ILRUN: variants seen among roughly 807,000 people sequenced by gnomAD.
ILRUN encodes the protein protein ILRUN.
ILRUN carries 3 observed loss-of-function variants against 33.8 expected under a neutral mutation model. The ratio of observed to expected loss-of-function variants is 0.09; its 90% confidence interval spans 0.04 to 0.23. The LOEUF is 0.23. Among genes scored for constraint, ILRUN ranks in the 10% least tolerant of loss-of-function variants. The pLI is 1.00. For missense variants in ILRUN, 210 were observed against 375.1 expected (o/e 0.56, Z 3.64); for synonymous variants, 124 against 138.9 (o/e 0.89, Z 0.75).
chr6:34,629,545 G>A (rs1403324639), intron 3 of ILRUN, among the ~76,000 whole-genome samples: 1 of 152,160 alleles, frequency 6.6e-6, no homozygotes, highest in African/African-American at 2.4e-5. Context: ...TCCTACTGTT[G>A]CTCCTCCATA....
At chr6:34,672,541 C>G (rs1763139053) in intron 1 of ILRUN, among the ~76,000 whole-genome samples, 2 of 152,024 alleles carry the variant, frequency 1.3e-5, no homozygotes. Context: ...AAGAGAAAAC[C>G]TGTCTCTTTA....
At position 34,696,653 on chromosome 6, in the gene ILRUN, C is replaced by T. The variant is rs534349264; in HGVS notation, c.-50G>A. 2.3e-5 allele frequency: 36 copies of T among 1,568,202 alleles called. No homozygotes were observed. The highest frequency in any genetic ancestry group is 1.7e-5 in the Non-Finnish European group (20 of 1,161,792). Reference sequence around the variant, plus strand: ...CCGCCTCTTCACAACCAAGCCGCCGCCGCGCCGCCGGGCCCGGGGACCTGG... The same window carrying T: ...CCGCCTCTTCACAACCAAGCCGCCGTCGCGCCGCCGGGCCCGGGGACCTGG... On this transcript the variant is annotated 5_prime_UTR_variant, in exon 1 of 5. Coordinates refer to ENST00000374023, the MANE Select transcript of ILRUN (RefSeq NM_024294.4).
chr6:34,665,996 C>G (rs1006011607), intron 1 of ILRUN, among the ~76,000 whole-genome samples: 1 of 151,486 alleles, frequency 6.6e-6, no homozygotes, highest in Non-Finnish European at 1.5e-5. Flanking sequence ...CATACTTCAC[C>G]CAGAAAAATG....
chr6:34,652,177 A>C (rs1762684105), intron 2 of ILRUN, among the ~76,000 whole-genome samples: 1 of 152,182 alleles, frequency 6.6e-6, no homozygotes, highest in African/African-American at 2.4e-5. Flanking sequence ...AAAATGAAGA[A>C]ACTGTCTTGA....
chr6:34,589,733 A>G lies in ILRUN; in HGVS notation c.*832T>C, dbSNP rs1582024824. ...GGCATTTCTCTCTGCCAAGAGAAAC[A>G]TGGAAGAAAAGCAATTTTAATTGTT... is the stretch of plus-strand genomic sequence containing the variant. On this transcript the variant is annotated 3_prime_UTR_variant, in exon 5 of 5. Coordinates refer to ENST00000374023, the MANE Select transcript of ILRUN (RefSeq NM_024294.4). 1 of 152,248 alleles carries G rather than the reference A, an allele frequency of 6.6e-6. No homozygotes were observed. Among genetic ancestry groups the G allele is most frequent in the Non-Finnish European group, 1.5e-5 (1 of 68,050 alleles). The allele number at this position is 152,248 out of a possible 1,614,324, so 9.4% of individuals were successfully genotyped here.
At chr6:34,590,628 TG>T in intron 4 of ILRUN, 28 bp from the exon 5 acceptor site, 1 of 1,508,516 alleles carries the variant, frequency 6.6e-7, no homozygotes, top group South Asian at 1.1e-5. Flanking sequence ...TAGTCAGTGA[TG>T]GTACACATAG....
intron 3 of ILRUN, among the ~76,000 whole-genome samples, chr6:34,615,841 ATCAGT>A (rs1459309506): frequency 6.6e-6 from 1 of 152,154 alleles, no homozygotes; most frequent in African/African-American, 2.4e-5. Context: ...AGCATTACAG[ATCAGT>A]TAACAGTCTT....
intron 1 of ILRUN, among the ~76,000 whole-genome samples, chr6:34,679,147 G>A (rs1763304060): frequency 2.5e-5 from 3 of 117,916 alleles, no homozygotes; most frequent in African/African-American, 8.8e-5. Context: ...AAAATTGGGA[G>A]GAAAAAAAAA....
chr6:34,681,380 G>A (rs1763355045), intron 1 of ILRUN, among the ~76,000 whole-genome samples: 1 of 152,146 alleles, frequency 6.6e-6, no homozygotes, highest in Non-Finnish European at 1.5e-5. Flanking sequence ...ATTAACTTTG[G>A]CAAATGAGAA....
intron 3 of ILRUN, among the ~76,000 whole-genome samples, chr6:34,641,499 G>A (rs985001743): frequency 8.5e-5 from 13 of 152,110 alleles, no homozygotes; most frequent in African/African-American, 2.9e-4. Context: ...GAGCTCCAGC[G>A]GTCATCCCAG....
At position 34,682,940 on chromosome 6, in the gene ILRUN, G is replaced by A. The variant is rs116572060; in HGVS notation, c.158+13506C>T. On this transcript the variant is annotated intron_variant, in intron 1 of 4. Coordinates refer to ENST00000374023, the MANE Select transcript of ILRUN (RefSeq NM_024294.4). Reference sequence around the variant, plus strand: ...AAGTTAAAAAAAAAATCCAGTCAGAGCAACACAGGGAGACCCCATCTCTAA... The same window carrying A: ...AAGTTAAAAAAAAAATCCAGTCAGAACAACACAGGGAGACCCCATCTCTAA... Among the ~76,000 whole-genome samples, 14 of 127,406 alleles carry A rather than the reference G, an allele frequency of 1.1e-4. No homozygotes were observed. The South Asian group carries it at 1.9e-3, about 18-fold the overall frequency. The allele number at this position is 127,406 out of a possible 152,430, so 83.6% of individuals were successfully genotyped here.
chr6:34,610,184 G>T (rs1761719462), intron 3 of ILRUN, among the ~76,000 whole-genome samples: 1 of 150,980 alleles, frequency 6.6e-6, no homozygotes, highest in African/African-American at 2.4e-5. Context: ...AAAAGAAAAA[G>T]AAAAAAAAGA....
intron 1 of ILRUN, among the ~76,000 whole-genome samples, chr6:34,659,563 T>C (rs73411997): frequency 0.012 from 1,812 of 151,100 alleles, 44 homozygotes; most frequent in African/African-American, 0.039. Flanking sequence ...ATCTTGCATA[T>C]ATTCACAAAC....
At chr6:34,683,452 A>G (rs1763428982) in intron 1 of ILRUN, among the ~76,000 whole-genome samples, 3 of 103,792 alleles carry the variant, frequency 2.9e-5, no homozygotes, top group African/African-American at 1.8e-4. Context: ...ATATATATAT[A>G]CATATATATA....
At chr6:34,671,679 G>A (rs1208981343) in intron 1 of ILRUN, among the ~76,000 whole-genome samples, 1 of 152,198 alleles carries the variant, frequency 6.6e-6, no homozygotes, top group Non-Finnish European at 1.5e-5. Flanking sequence ...AAAGACTGAA[G>A]GCTGAATGCA....
At position 34,646,986 on chromosome 6, in the gene ILRUN, TG is replaced by T. The variant is rs1762574152; in HGVS notation, c.314-189del. Among the ~76,000 whole-genome samples the T allele has an allele frequency of 6.6e-6, 1 of 152,196 alleles. No individual in the cohort carries two copies. The highest frequency in any genetic ancestry group is 1.5e-5 in the Non-Finnish European group (1 of 68,036). The stretch of plus-strand genomic sequence containing the variant: ...AGGAATTATCAGAACCAACAACCTC[TG>T]ACCAATAGTCTAACCCTATGAAGAA... On this transcript the variant is annotated intron_variant, in intron 2 of 4. Coordinates refer to ENST00000374023, the MANE Select transcript of ILRUN (RefSeq NM_024294.4). This position sits in a 1 kb window ranked among gnomAD's most constrained non-coding sequence, Gnocchi z 4.9.
Position 34,662,050 on chromosome 6 carries a change from G to A in ILRUN, c.159-7271C>T, listed in dbSNP as rs369750199. Among the ~76,000 whole-genome samples the A allele has an allele frequency of 1.7e-3, 249 of 147,196 alleles. 2 individuals are homozygous for A. Among genetic ancestry groups the A allele is most frequent in the East Asian group, 8.2e-3 (40 of 4,882 alleles). ...TGAGGCAGGAGAATGGCGTGAACCCGGGAGGCGGAGCTTGCAGTGAGCCGA... is the reference window on the plus strand; with the variant it reads ...TGAGGCAGGAGAATGGCGTGAACCCAGGAGGCGGAGCTTGCAGTGAGCCGA... On this transcript the variant is annotated intron_variant, in intron 1 of 4. Transcript: ENST00000374023.
At chr6:34,683,520 A>ATGTGTG (rs1562033431) in intron 1 of ILRUN, among the ~76,000 whole-genome samples, 17 of 125,130 alleles carry the variant, frequency 1.4e-4, no homozygotes, top group East Asian at 4.5e-4. Context: ...ATATACATAT[A>ATGTGTG]TATATATACA....
intron 1 of ILRUN, among the ~76,000 whole-genome samples, chr6:34,687,366 C>G (rs1260946841): frequency 6.6e-6 from 1 of 152,056 alleles, no homozygotes. Flanking sequence ...TAATAAGGTA[C>G]CAATCCATAC....
Sources: gnomAD v4.1 joint callset for allele counts (sites outside exome capture counted in the v4.1 genomes callset) on GRCh38, gnomAD v4.1.1 for gene constraint, Gnocchi (gnomAD v3.1) non-coding constraint, MANE v1.5 for transcripts, NCBI Gene and HGNC (gene_info 2026-07-23, HGNC 2026-07-21) for gene names.